The following UBE2D3 variants were observed in gnomAD, a reference collection of about 807,000 sequenced individuals.
UBE2D3 encodes the protein ubiquitin-conjugating enzyme E2 D3.
In UBE2D3, 2 loss-of-function variants were observed where a neutral mutation model predicts 22.8. The ratio of observed to expected loss-of-function variants is 0.09; its 90% CI spans 0.04 to 0.28. UBE2D3 has a LOEUF of 0.28. UBE2D3 is among the 10% of genes least tolerant of loss of function. The pLI is 1.00. For missense variants in UBE2D3, 27 were observed against 182.5 expected, an observed-to-expected ratio of 0.15 and a Z score of 4.91; for synonymous variants, 56 against 60.4, an observed-to-expected ratio of 0.93 and a Z score of 0.34.
chr4:102,857,063 T>C (rs1432033385), intron 1 of UBE2D3, among the ~76,000 whole-genome samples: 1 of 152,230 alleles, frequency 6.6e-6, no homozygotes, highest in Admixed American at 6.5e-5. Flanking sequence ...TAGTTAATAA[T>C]GTAGCAGTAC....
chr4:102,828,109 C>CG (rs1181915385), upstream of UBE2D3: 3 of 985,306 alleles, frequency 3.0e-6, no homozygotes, highest in African/African-American at 5.2e-5. Flanking sequence ...CGAACTGGGG[C>CG]GGGCCACTGC....
rs560974432 is a variant in UBE2D3 at position 102,868,258 on chromosome 4, C to T, written c.-129+457G>A. On this transcript the variant is annotated intron_variant, in intron 1 of 7. Coordinates refer to the UBE2D3 transcript ENST00000338145. ...CTAATTTTTCTATTTTTAGTAGAGA[C>T]GGGGTTTCACCATCTTGACCTGGCT... Among the ~76,000 whole-genome samples the T allele has an allele frequency of 7.1e-4, 107 of 149,972 alleles. 2 individuals are homozygous for T. Among genetic ancestry groups the T allele is most frequent in the African/African-American group, 2.5e-3 (104 of 40,788 alleles).
chr4:102,845,068 C>G (rs1222242730), intron 1 of UBE2D3, among the ~76,000 whole-genome samples: 1 of 146,126 alleles, frequency 6.8e-6, no homozygotes, highest in Admixed American at 6.8e-5. Context: ...GCCAATATGA[C>G]GAAACCCCAT....
upstream of UBE2D3, among the ~76,000 whole-genome samples, chr4:102,830,384 C>G (rs1731056306): frequency 6.6e-6 from 1 of 151,976 alleles, no homozygotes; most frequent in African/African-American, 2.4e-5. Context: ...AAAATTATGG[C>G]TGTAAATACT....
chr4:102,822,086 A>T (rs1436956921), intron 2 of UBE2D3, among the ~76,000 whole-genome samples: 2 of 152,230 alleles, frequency 1.3e-5, no homozygotes, highest in Non-Finnish European at 2.9e-5. Context: ...CTCAGGGGCA[A>T]AGTTTGACAG....
chr4:102,865,201 C>T (rs1476228163), intron 1 of UBE2D3, among the ~76,000 whole-genome samples: 1 of 151,980 alleles, frequency 6.6e-6, no homozygotes, highest in Non-Finnish European at 1.5e-5. Context: ...AGTATAAAAA[C>T]AGACATACAC....
At chr4:102,826,453 T>C in intron 2 of UBE2D3, 32 bp downstream of exon 2, 1 of 1,613,490 alleles carries the variant, frequency 6.2e-7, no homozygotes. Context: ...CCTTTTCTCC[T>C]ACCACCCCAT....
intron 2 of UBE2D3, among the ~76,000 whole-genome samples, chr4:102,815,834 A>G (rs1248920696): frequency 6.6e-6 from 1 of 152,234 alleles, no homozygotes. Context: ...TGACCTAAGT[A>G]TTTTAACAAT....
intron 1 of UBE2D3, among the ~76,000 whole-genome samples, chr4:102,859,014 C>T (rs1249178875): frequency 6.6e-6 from 1 of 151,908 alleles, no homozygotes; most frequent in African/African-American, 2.4e-5. Flanking sequence ...TTCACGTTTT[C>T]ATGTTGCTAA....
intron 1 of UBE2D3, among the ~76,000 whole-genome samples, chr4:102,852,688 T>C (rs1370010821): frequency 6.6e-6 from 1 of 152,210 alleles, no homozygotes; most frequent in African/African-American, 2.4e-5. Context: ...TTACCCTTTT[T>C]TCCACTATGA....
At chr4:102,861,115 C>A (rs1307308272) in intron 1 of UBE2D3, among the ~76,000 whole-genome samples, 1 of 152,000 alleles carries the variant, frequency 6.6e-6, no homozygotes, top group South Asian at 2.1e-4. Flanking sequence ...GGAAGCTGGG[C>A]ACTCACTTGA....
chr4:102,860,121 A>ATTCCT (rs1553967954), intron 1 of UBE2D3, among the ~76,000 whole-genome samples: 6 of 152,106 alleles, frequency 3.9e-5, no homozygotes, highest in Non-Finnish European at 8.8e-5. Flanking sequence ...CACTGGGATT[A>ATTCCT]CAGGCGTGAG....
chr4:102,829,159 G>A (rs223385), upstream of UBE2D3, among the ~76,000 whole-genome samples: 82,720 of 151,960 alleles, frequency 0.54, 23,104 homozygotes, highest in African/African-American at 0.68. Context: ...TGTTGAAAAT[G>A]CGACTTTGAT....
chr4:102,803,834 T>A (rs1726587871), intron 4 of UBE2D3, among the ~76,000 whole-genome samples: 1 of 152,322 alleles, frequency 6.6e-6, no homozygotes, highest in Admixed American at 6.5e-5. Context: ...AGTGGCACGA[T>A]CTCAGCTCAC....
Position 102,799,300 on chromosome 4 carries a change from A to G in UBE2D3, c.398+107T>C, listed in dbSNP as rs1054701932. On this transcript the variant is annotated intron_variant, in intron 7 of 7. Transcript: ENST00000453744. ...TTTCAATAGCTTTCTCCATATTTTA[A>G]CTATTATCTTACTAAATATCAAGTC... The G allele has an allele frequency of 4.7e-6, 4 of 855,682 alleles. No homozygotes were observed. The African/African-American group carries it at 6.9e-5, about 15-fold the overall frequency. 53.0% of individuals were successfully genotyped at this position (855,682 alleles called of 1,614,324 possible).
intron 2 of UBE2D3, among the ~76,000 whole-genome samples, chr4:102,816,134 C>T (rs773181096): frequency 7.2e-5 from 11 of 152,204 alleles, no homozygotes; most frequent in Non-Finnish European, 7.3e-5. Flanking sequence ...AACCATCTTA[C>T]TCATGAATTC....
intron 1 of UBE2D3, among the ~76,000 whole-genome samples, chr4:102,842,520 C>T (rs1349175480): frequency 6.6e-6 from 1 of 151,572 alleles, no homozygotes; most frequent in Non-Finnish European, 1.5e-5. Context: ...GAGGCCAGTG[C>T]ACTCTAGCCT....
intron 2 of UBE2D3, among the ~76,000 whole-genome samples, chr4:102,822,266 T>C (rs1000332924): frequency 2.0e-5 from 3 of 152,218 alleles, no homozygotes; most frequent in Non-Finnish European, 4.4e-5. Context: ...GTCCTATTAT[T>C]ATCAGCATCC....
At chr4:102,826,431 G>T in intron 2 of UBE2D3, 54 bp downstream of exon 2, 1 of 1,607,076 alleles carries the variant, frequency 6.2e-7, no homozygotes, top group Non-Finnish European at 8.5e-7. Flanking sequence ...CTTTCCTCTT[G>T]GCCCGAGCCT....
Sources: gnomAD v4.1 joint callset for allele counts (sites outside exome capture counted in the v4.1 genomes callset) on GRCh38, gnomAD v4.1.1 for gene constraint, MANE v1.5 for transcripts, NCBI Gene and HGNC (gene_info 2026-07-23, HGNC 2026-07-21) for gene names.